The following PHKA2 variants were observed in gnomAD, a reference collection of about 807,000 sequenced individuals.
PHKA2 encodes the protein phosphorylase b kinase regulatory subunit alpha, liver isoform.
In PHKA2, 31 loss-of-function variants were observed where a neutral mutation model predicts 102.0. The observed-to-expected ratio is 0.30, with a 90% CI of 0.23 to 0.41. The LOEUF (loss-of-function observed/expected upper bound fraction) is 0.41, where lower values mean the gene tolerates loss of function less well. Ranked by LOEUF, PHKA2 falls within the 10% of genes least tolerant of loss-of-function variation. The pLI is 1.00. For missense variants in PHKA2, 858 were observed against 1,023.1 expected (o/e 0.84, Z 2.20); for synonymous variants, 455 against 416.2 (o/e 1.09, Z -1.13).
intron 1 of PHKA2, among the ~76,000 whole-genome samples, chrX:18,980,966 C>G (rs749138830): frequency 9.0e-6 from 1 of 111,590 alleles, no homozygotes; most frequent in Non-Finnish European, 1.9e-5. Flanking sequence ...GAACTTGTTA[C>G]CAGCTGACAC....
chrX:18,933,929 C>A (rs1219126298), intron 11 of PHKA2, among the ~76,000 whole-genome samples: 1 of 112,174 alleles, frequency 8.9e-6, no homozygotes, highest in African/African-American at 3.2e-5. Context: ...GAAAGAAAAG[C>A]GTAGCTCTTA....
chrX:18,970,687 G>C lies in PHKA2; in HGVS notation c.78+13168C>G, dbSNP rs540903625. Among the ~76,000 whole-genome samples the C allele has an allele frequency of 1.5e-4, 17 of 112,163 alleles. 1 individual carries two copies. In the South Asian group the frequency reaches 2.6e-3, roughly 17 times the overall value. On this transcript the variant is annotated intron_variant, in intron 1 of 32. Coordinates refer to ENST00000379942, the MANE Select transcript of PHKA2 (RefSeq NM_000292.3). Reference sequence around the variant, plus strand: ...TTAGATATGGGCCTCCTGGGTCATAGAGCATGCATTGCTTCAGTTTCACCA... The same window carrying C: ...TTAGATATGGGCCTCCTGGGTCATACAGCATGCATTGCTTCAGTTTCACCA...
intron 11 of PHKA2, among the ~76,000 whole-genome samples, chrX:18,935,501 T>C (rs1057422964): frequency 1.8e-5 from 2 of 111,842 alleles, no homozygotes; most frequent in Non-Finnish European, 3.8e-5. Context: ...CAGGTATCAT[T>C]TGAAGGTCTT....
chrX:18,935,613 T>C (rs1205089821), intron 11 of PHKA2, among the ~76,000 whole-genome samples: 1 of 109,712 alleles, frequency 9.1e-6, no homozygotes, highest in Non-Finnish European at 1.9e-5. Flanking sequence ...TAAGGCTTTT[T>C]TTTTTTTGAG....
intron 30 of PHKA2, 120 bp from the exon 31 acceptor site, chrX:18,895,311 G>C: frequency 1.6e-6 from 1 of 618,413 alleles, no homozygotes; most frequent in South Asian, 2.2e-5. Flanking sequence ...ATGAGGGCTG[G>C]GACACGCCAG....
Position 18,936,109 on chromosome X carries a change from T to C in PHKA2, c.1083A>G (p.Arg361=). 1 of 1,207,830 alleles carries C rather than the reference T, an allele frequency of 8.3e-7. No homozygotes were observed. Among genetic ancestry groups the C allele is most frequent in the South Asian group, 1.8e-5 (1 of 56,712 alleles). Residue 361 remains arginine, a synonymous_variant, in exon 11 of 33, where the codon AGA becomes AGG. Transcript: ENST00000379942. ...YREALEGILI[R]GKNGIRLVPE... Reference sequence around the variant, plus strand: ...GCACCAGGCGGATCCCATTCTTGCCTCTGATGAGTATTCCCTCCAGGGCCT... The same window carrying C: ...GCACCAGGCGGATCCCATTCTTGCCCCTGATGAGTATTCCCTCCAGGGCCT...
At chrX:18,974,370 G>A (rs1421835208) in intron 1 of PHKA2, among the ~76,000 whole-genome samples, 3 of 110,963 alleles carry the variant, frequency 2.7e-5, no homozygotes, top group Admixed American at 9.6e-5. Context: ...ATAAACTGTC[G>A]GACATGGTCA....
intron 10 of PHKA2, among the ~76,000 whole-genome samples, chrX:18,936,713 T>C (rs965192239): frequency 2.7e-5 from 3 of 112,213 alleles, no homozygotes; most frequent in Non-Finnish European, 5.6e-5. Context: ...ATGGATGGAA[T>C]TGGAGGTCAG....
chrX:18,907,772 G>A (rs1034475217), intron 22 of PHKA2, 128 bp downstream of exon 22: 56 of 720,980 alleles, frequency 7.8e-5, no homozygotes, highest in Admixed American at 2.1e-4. Flanking sequence ...AGAAGGGCCC[G>A]CTCCACCTGT....
In PHKA2 at chrX:18,954,238, T is replaced by G; in HGVS notation, c.237+16A>C. On this transcript the variant is annotated intron_variant, in intron 2 of 32. Coordinates refer to ENST00000379942, the MANE Select transcript of PHKA2 (RefSeq NM_000292.3). ...GGTGGCTGAGCAGCCGAGATACAGC[T>G]GTCAGTCACTATTACCTGCTCCAGC... The G allele has an allele frequency of 1.7e-6, 2 of 1,208,836 alleles. No individual in the cohort carries two copies. Among genetic ancestry groups the G allele is most frequent in the Non-Finnish European group, 2.2e-6 (2 of 892,693 alleles).
chrX:18,947,428 C>T (rs1245931395), intron 5 of PHKA2, among the ~76,000 whole-genome samples: 1 of 112,222 alleles, frequency 8.9e-6, no homozygotes, highest in Non-Finnish European at 1.9e-5. Context: ...CATTTATACT[C>T]AGCAAATCTG....
At chrX:18,918,530 A>G (rs924673704) in intron 19 of PHKA2, 151 bp downstream of exon 19, 6 of 508,187 alleles carry the variant, frequency 1.2e-5, no homozygotes, top group Non-Finnish European at 1.7e-5. Flanking sequence ...CAGAAGAAAG[A>G]GCTAAAAGAG....
intron 12 of PHKA2, among the ~76,000 whole-genome samples, chrX:18,930,599 C>G (rs145185083): frequency 5.9e-4 from 65 of 110,989 alleles, no homozygotes; most frequent in African/African-American, 2.0e-3. Flanking sequence ...ATGAGGAAAC[C>G]GAAGCCCAGA....
intron 1 of PHKA2, among the ~76,000 whole-genome samples, chrX:18,956,338 C>T (rs969969954): frequency 3.6e-5 from 4 of 111,243 alleles, no homozygotes; most frequent in Admixed American, 9.6e-5. Flanking sequence ...ACAACAACAA[C>T]GACATAAGCA....
intron 26 of PHKA2, among the ~76,000 whole-genome samples, 175 bp from the exon 27 acceptor site, chrX:18,901,778 G>A (rs1001906983): frequency 3.1e-4 from 34 of 109,908 alleles, no homozygotes; most frequent in Non-Finnish European, 5.5e-4. Context: ...AGGAGTAAAC[G>A]GAAGTGTGCA....
chrX:18,953,600 A>G (rs1300616894), intron 2 of PHKA2, among the ~76,000 whole-genome samples: 1 of 112,345 alleles, frequency 8.9e-6, no homozygotes, highest in Admixed American at 9.4e-5. Context: ...ATATCAGTTT[A>G]TGATGATGTC....
intron 1 of PHKA2, among the ~76,000 whole-genome samples, chrX:18,959,732 T>C (rs2048841599): frequency 9.0e-6 from 1 of 111,208 alleles, no homozygotes; most frequent in South Asian, 3.9e-4. Flanking sequence ...CTATATCAGG[T>C]GACCTGATGT....
chrX:18,893,202 C>A lies in PHKA2; in HGVS notation c.*283G>T. 2.6e-6 allele frequency: 1 copy of A among 386,848 alleles called. No homozygotes were observed. Among genetic ancestry groups the A allele is most frequent in the Non-Finnish European group, 4.6e-6 (1 of 219,042 alleles). 31.9% of individuals were successfully genotyped at this position (386,848 alleles called of 1,213,427 possible). On this transcript the variant is annotated 3_prime_UTR_variant, in exon 33 of 33. Coordinates refer to ENST00000379942, the MANE Select transcript of PHKA2 (RefSeq NM_000292.3). The stretch of plus-strand genomic sequence containing the variant: ...AAGAGACCAATTTCCAATTCCTCCT[C>A]AGAGTCCGTGAGACCAGATGCTACA...
Position 18,910,946 on chromosome X carries a change from A to G in PHKA2, c.2152T>C (p.Leu718=). 1 of 1,173,072 alleles carries G rather than the reference A, an allele frequency of 8.5e-7. No individual in the cohort carries two copies. The highest frequency in any genetic ancestry group is 1.2e-6 in the Non-Finnish European group (1 of 863,679). Residue 718 remains leucine (L), a synonymous_variant, in exon 20 of 33, where the codon TTG becomes CTG. Transcript: ENST00000379942. ...GLEVPFVPMT[L]PTKVLSAHRK... ...TGGGCACTTAGAACTTTAGTCGGCA[A>G]AGTCATGGGAACAACTGGAAAACAA...
Sources: gnomAD v4.1 joint callset for allele counts (sites outside exome capture counted in the v4.1 genomes callset) on GRCh38, gnomAD v4.1.1 for gene constraint, MANE v1.5 for transcripts, NCBI Gene and HGNC (gene_info 2026-07-23, HGNC 2026-07-21) for gene names.